Variants in SOX6 observed in about 807,000 individuals in gnomAD.
The protein encoded by SOX6 is SRY-box transcription factor 6, also known as transcription factor SOX-6.
Under a neutral mutation model 97.8 loss-of-function variants are expected in SOX6, and 11 were observed. The ratio of observed to expected loss-of-function variants is 0.11; its 90% confidence interval spans 0.07 to 0.19. SOX6 has a LOEUF of 0.19. SOX6 is among the 10% of genes least tolerant of loss of function. The probability of loss-of-function intolerance (pLI) is 1.00; values close to 1 mark genes in which losing one functional copy is unlikely to be tolerated. For missense variants in SOX6, 810 were observed against 1,039.5 expected (o/e 0.78, Z 3.04); for synonymous variants, 360 against 371.4 (o/e 0.97, Z 0.35).
At chr11:16,106,891 CA>C (rs1480190057) in intron 7 of SOX6, among the ~76,000 whole-genome samples, 1 of 151,846 alleles carries the variant, frequency 6.6e-6, no homozygotes, top group Non-Finnish European at 1.5e-5. Flanking sequence ...TGAAACTCAA[CA>C]ACAACAAAAG....
intron 3 of SOX6, among the ~76,000 whole-genome samples, chr11:16,663,956 A>T (rs1564862931): frequency 6.6e-6 from 1 of 151,888 alleles, no homozygotes; most frequent in Non-Finnish European, 1.5e-5. Context: ...ATATAGAGTC[A>T]GTAGATGGAG....
chr11:16,199,947 T>G (rs1316963483), intron 4 of SOX6, among the ~76,000 whole-genome samples: 1 of 152,164 alleles, frequency 6.6e-6, no homozygotes, highest in Non-Finnish European at 1.5e-5. Flanking sequence ...TATTATTATA[T>G]TAACTCTTTC....
chr11:16,038,739 A>T (rs565761110), intron 12 of SOX6, among the ~76,000 whole-genome samples: 1 of 152,276 alleles, frequency 6.6e-6, no homozygotes, highest in South Asian at 2.1e-4. Context: ...ATTGAAAAAA[A>T]GTGTGTCTGT....
chr11:16,180,520 CAGG>C (rs939437006), intron 6 of SOX6, among the ~76,000 whole-genome samples: 10 of 151,630 alleles, frequency 6.6e-5, no homozygotes, highest in Non-Finnish European at 1.3e-4. Flanking sequence ...GGCTCCATAT[CAGG>C]AGAATTACTT....
At chr11:16,571,705 G>A (rs564703981) in intron 4 of SOX6, among the ~76,000 whole-genome samples, 1 of 152,318 alleles carries the variant, frequency 6.6e-6, no homozygotes, top group East Asian at 1.9e-4. Context: ...AGGCTGGAGT[G>A]CAGTAGTGCG....
chr11:16,328,911 C>T (rs297349), intron 2 of SOX6, among the ~76,000 whole-genome samples: 152,304 of 152,304 alleles, frequency 1, 76,152 homozygotes, highest in Non-Finnish European at 1. Context: ...AAGAAGCATA[C>T]ATAAATTAAA....
intron 4 of SOX6, among the ~76,000 whole-genome samples, chr11:16,573,862 T>C (rs998190692): frequency 6.6e-6 from 1 of 152,188 alleles, no homozygotes; most frequent in Non-Finnish European, 1.5e-5. Flanking sequence ...AGCTATTGTT[T>C]GTATTGTTCA....
chr11:16,368,010 C>A (rs1228247748), intron 1 of SOX6, among the ~76,000 whole-genome samples: 1 of 152,092 alleles, frequency 6.6e-6, no homozygotes, highest in Non-Finnish European at 1.5e-5. Flanking sequence ...TATTCAGGGA[C>A]TTACTGCATG....
intron 4 of SOX6, among the ~76,000 whole-genome samples, chr11:16,603,203 A>G (rs1848292190): frequency 6.6e-6 from 1 of 152,138 alleles, no homozygotes; most frequent in Non-Finnish European, 1.5e-5. Context: ...CCTAATGTTG[A>G]GTGTTGAATT....
intron 4 of SOX6, among the ~76,000 whole-genome samples, chr11:16,533,271 T>A (rs1002264030): frequency 2.0e-5 from 3 of 151,968 alleles, no homozygotes; most frequent in African/African-American, 7.2e-5. Context: ...AATATATCTT[T>A]AATATTTTTG....
chr11:16,065,262 T>TA (rs1398143444), intron 9 of SOX6, among the ~76,000 whole-genome samples: 1 of 152,010 alleles, frequency 6.6e-6, no homozygotes, highest in East Asian at 1.9e-4. Flanking sequence ...TAATGCCACT[T>TA]ACAATAGTCA....
chr11:16,277,436 C>T (rs1276116285), intron 3 of SOX6, among the ~76,000 whole-genome samples: 1 of 152,124 alleles, frequency 6.6e-6, no homozygotes, highest in South Asian at 2.1e-4. Context: ...GCCTCCAAAA[C>T]TGTGAAAAAT....
intron 9 of SOX6, 70 bp downstream of exon 9, chr11:16,095,926 A>G (rs2133973720): frequency 6.5e-7 from 1 of 1,542,776 alleles, no homozygotes; most frequent in South Asian, 1.2e-5. Context: ...AAAAAAAAAA[A>G]AAAAAGCCTA....
chr11:16,229,419 T>G (rs1299915967), intron 4 of SOX6, among the ~76,000 whole-genome samples: 1 of 151,522 alleles, frequency 6.6e-6, no homozygotes, highest in Non-Finnish European at 1.5e-5. Context: ...AAAGGAGAGA[T>G]AATAAGGGTA....
chr11:16,460,050 G>A (rs965692559), intron 1 of SOX6, among the ~76,000 whole-genome samples: 1 of 151,668 alleles, frequency 6.6e-6, no homozygotes, highest in Non-Finnish European at 1.5e-5. Context: ...GTGATAAGGG[G>A]GGGAAAAAAG....
intron 13 of SOX6, among the ~76,000 whole-genome samples, chr11:16,013,623 T>A (rs546024859): frequency 5.3e-5 from 8 of 152,066 alleles, no homozygotes; most frequent in Admixed American, 1.3e-4. Context: ...CCTTCCTTTC[T>A]CTTCTCTTCC....
intron 4 of SOX6, among the ~76,000 whole-genome samples, chr11:16,506,410 A>T (rs1197795160): frequency 6.6e-6 from 1 of 152,116 alleles, no homozygotes; most frequent in African/African-American, 2.4e-5. Context: ...CTATACCCCC[A>T]TTGTATCTTG....
intron 3 of SOX6, among the ~76,000 whole-genome samples, chr11:16,275,158 G>A (rs1034997337): frequency 6.6e-6 from 1 of 151,684 alleles, no homozygotes; most frequent in African/African-American, 2.4e-5. Context: ...AGGATTCTTC[G>A]CAATTATTTC....
intron 3 of SOX6, among the ~76,000 whole-genome samples, chr11:16,671,936 A>T (rs1290732469): frequency 6.6e-6 from 1 of 152,206 alleles, no homozygotes; most frequent in African/African-American, 2.4e-5. Context: ...CACCCTCAAG[A>T]TAACACCAGA....
Sources: gnomAD v4.1 joint callset for allele counts (sites outside exome capture counted in the v4.1 genomes callset) on GRCh38, gnomAD v4.1.1 for gene constraint, MANE v1.5 for transcripts, NCBI Gene and HGNC (gene_info 2026-07-23, HGNC 2026-07-21) for gene names.